Variants in DLG2 observed in about 807,000 individuals in gnomAD.
The protein encoded by DLG2 is disks large homolog 2.
DLG2 carries 45 observed loss-of-function variants against 132.5 expected under a neutral mutation model. That is an observed-to-expected ratio of 0.34 (90% confidence interval 0.27 to 0.44). The LOEUF is 0.44. DLG2 is among the 20% of genes least tolerant of loss of function. The probability of loss-of-function intolerance (pLI) is 1.00; values close to 1 mark genes in which losing one functional copy is unlikely to be tolerated. For synonymous variants in DLG2, 424 were observed against 419.6 expected, an observed-to-expected ratio of 1.01 and a Z score of -0.13; for missense variants, 1,045 against 1,196.9, an observed-to-expected ratio of 0.87 and a Z score of 1.87.
chr11:85,508,221 G>A (rs1486365503), intron 3 of DLG2, among the ~76,000 whole-genome samples: 1 of 151,894 alleles, frequency 6.6e-6, no homozygotes, highest in Non-Finnish European at 1.5e-5. Context: ...ACTCGTCAAA[G>A]TCACTCTCCA....
intron 18 of DLG2, among the ~76,000 whole-genome samples, chr11:83,771,912 T>C (rs549102287): frequency 6.6e-6 from 1 of 152,348 alleles, no homozygotes; most frequent in East Asian, 1.9e-4. Context: ...TTTTTGCACA[T>C]ATTTCCAAGG....
intron 9 of DLG2, among the ~76,000 whole-genome samples, chr11:84,127,964 G>A (rs116913890): frequency 0.043 from 6,597 of 152,074 alleles, 198 homozygotes; most frequent in Non-Finnish European, 0.071. Flanking sequence ...CAATACCAAC[G>A]CTTAACATCT....
chr11:84,335,503 A>G (rs573491819), intron 7 of DLG2, among the ~76,000 whole-genome samples: 2 of 152,360 alleles, frequency 1.3e-5, no homozygotes, highest in Admixed American at 1.3e-4. Flanking sequence ...TCTGGATCAG[A>G]CATCAAAACT....
chr11:85,291,585 C>CTT (rs11436726), intron 3 of DLG2, among the ~76,000 whole-genome samples: 103,308 of 138,610 alleles, frequency 0.75, 39,357 homozygotes, highest in Middle Eastern at 0.84. Flanking sequence ...GGATTCTCTT[C>CTT]TTTTTTTTTT....
intron 18 of DLG2, among the ~76,000 whole-genome samples, chr11:83,702,909 A>G (rs1289926204): frequency 6.6e-6 from 1 of 152,248 alleles, no homozygotes; most frequent in Non-Finnish European, 1.5e-5. Context: ...GGTGATGGGA[A>G]GAAAGCAAAT....
intron 4 of DLG2, among the ~76,000 whole-genome samples, chr11:85,183,273 G>C (rs980083220): frequency 2.6e-5 from 4 of 151,694 alleles, no homozygotes; most frequent in Non-Finnish European, 5.9e-5. Flanking sequence ...CTTTAGCTAA[G>C]GCTCTAAAAT....
At chr11:83,460,960 C>A (rs1372906869) in intron 27 of DLG2, among the ~76,000 whole-genome samples, 1 of 147,664 alleles carries the variant, frequency 6.8e-6, no homozygotes, top group Non-Finnish European at 1.5e-5. Context: ...AATAAAACAT[C>A]TAACTTCACA....
chr11:85,454,935 T>C (rs2092371424), intron 3 of DLG2, among the ~76,000 whole-genome samples: 1 of 152,186 alleles, frequency 6.6e-6, no homozygotes, highest in African/African-American at 2.4e-5. Flanking sequence ...CCTTGTAGTA[T>C]ACTTTGAAGT....
rs530631609 is a variant in DLG2, at chr11:85,462,112, C to T, written c.40+136545G>A. ...AAAACCACAATGAGATATCATCTCA[C>T]GCCAGTTAGAATGGCAATCATTAAA... is the stretch of plus-strand genomic sequence containing the variant. On this transcript the variant is annotated intron_variant, in intron 3 of 27. Transcript: ENST00000376104. Among the ~76,000 whole-genome samples the T allele has an allele frequency of 1.1e-3, 161 of 152,316 alleles. 1 individual carries two copies. The highest frequency in any genetic ancestry group is 5.6e-3 in the South Asian group (27 of 4,830).
At chr11:84,439,919 A>C (rs998807666) in intron 7 of DLG2, among the ~76,000 whole-genome samples, 4 of 152,236 alleles carry the variant, frequency 2.6e-5, no homozygotes, top group Non-Finnish European at 4.4e-5. Context: ...CACTGATATC[A>C]TAGAGAGAAT....
intron 7 of DLG2, among the ~76,000 whole-genome samples, chr11:84,335,187 A>C: frequency 6.8e-6 from 1 of 146,976 alleles, no homozygotes; most frequent in East Asian, 2.1e-4. Context: ...AAAGGAAGGA[A>C]GGGGAAGGGA....
At chr11:84,960,987 CA>C (rs1299721430) in intron 6 of DLG2, among the ~76,000 whole-genome samples, 1 of 151,998 alleles carries the variant, frequency 6.6e-6, no homozygotes, top group East Asian at 1.9e-4. Context: ...CTAGCACATT[CA>C]ATATTTATAA....
chr11:83,673,449 G>T (rs2077166477), intron 18 of DLG2, among the ~76,000 whole-genome samples: 1 of 152,182 alleles, frequency 6.6e-6, no homozygotes, highest in South Asian at 2.1e-4. Context: ...AGTACCCTAT[G>T]GCTCACATTT....
At chr11:85,359,375 C>T (rs1200638035) in intron 3 of DLG2, among the ~76,000 whole-genome samples, 1 of 152,074 alleles carries the variant, frequency 6.6e-6, no homozygotes. Context: ...AGTTCTCAAC[C>T]TTAAAGGGAA....
chr11:85,160,296 G>C (rs893575721), intron 4 of DLG2, among the ~76,000 whole-genome samples: 2 of 152,172 alleles, frequency 1.3e-5, no homozygotes, highest in Non-Finnish European at 2.9e-5. Flanking sequence ...TCTGCCATTT[G>C]CGCCATATGA....
intron 5 of DLG2, among the ~76,000 whole-genome samples, chr11:85,140,602 G>A (rs1308113182): frequency 6.7e-6 from 1 of 150,148 alleles, no homozygotes; most frequent in Non-Finnish European, 1.5e-5. Flanking sequence ...TCCAGTCTTA[G>A]TTTTTTGATA....
At chr11:83,902,405 G>C (rs1217989335) in intron 15 of DLG2, among the ~76,000 whole-genome samples, 1 of 152,154 alleles carries the variant, frequency 6.6e-6, no homozygotes, top group African/African-American at 2.4e-5. Flanking sequence ...ATTAACAAAA[G>C]TAGCATCAAG....
At chr11:85,508,353 C>T (rs1456575911) in intron 3 of DLG2, among the ~76,000 whole-genome samples, 4 of 152,024 alleles carry the variant, frequency 2.6e-5, no homozygotes, top group Non-Finnish European at 5.9e-5. Context: ...TACACTCCTG[C>T]CACAAGGCCC....
chr11:83,859,915 G>A (rs1278097336), intron 16 of DLG2, among the ~76,000 whole-genome samples: 2 of 152,124 alleles, frequency 1.3e-5, no homozygotes, highest in African/African-American at 4.8e-5. Flanking sequence ...TGACTAAAAG[G>A]GGCCAAGGTA....
Sources: gnomAD v4.1 joint callset for allele counts (sites outside exome capture counted in the v4.1 genomes callset) on GRCh38, gnomAD v4.1.1 for gene constraint, MANE v1.5 for transcripts, NCBI Gene and HGNC (gene_info 2026-07-23, HGNC 2026-07-21) for gene names.